Variants in ERMP1 observed in about 807,000 individuals in gnomAD.
ERMP1 encodes Felix-ina.
ERMP1 carries 86 observed loss-of-function variants against 92.0 expected under a neutral mutation model. The observed-to-expected ratio is 0.93, with a 90% CI of 0.79 to 1.12. ERMP1 has a LOEUF of 1.12. Among genes scored for constraint, ERMP1 ranks in the 50% most tolerant of loss-of-function variants. ERMP1 has a pLI of 0.00. For synonymous variants in ERMP1, 530 were observed against 412.8 expected (o/e 1.28, Z -3.44); for missense variants, 1,342 against 1,116.3 (o/e 1.20, Z -2.88).
upstream of ERMP1, among the ~76,000 whole-genome samples, chr9:5,833,946 T>A (rs1259113731): frequency 6.6e-6 from 1 of 152,212 alleles, no homozygotes; most frequent in East Asian, 1.9e-4. Context: ...CCCATGAGCC[T>A]CTCTGCTCCA....
At chr9:5,794,220 A>T (rs575050686) in intron 13 of ERMP1, among the ~76,000 whole-genome samples, 3 of 152,270 alleles carry the variant, frequency 2.0e-5, no homozygotes, top group African/African-American at 7.2e-5. Context: ...CTCAAGAAAA[A>T]ATTTTTAAAT....
chr9:5,833,440 G>T (rs1467516927), upstream of ERMP1, among the ~76,000 whole-genome samples: 1 of 152,172 alleles, frequency 6.6e-6, no homozygotes, highest in African/African-American at 2.4e-5. Context: ...AGAACATCAG[G>T]CTCCAAAAAA....
chr9:5,790,068 C>T (rs1231852933), intron 13 of ERMP1, among the ~76,000 whole-genome samples: 5 of 151,060 alleles, frequency 3.3e-5, no homozygotes, highest in East Asian at 1.9e-4. Context: ...ACAAATGTTA[C>T]ATGTTGTAAT....
chr9:5,834,703 ATG>A (rs766269385), upstream of ERMP1, among the ~76,000 whole-genome samples: 2,205 of 122,950 alleles, frequency 0.018, 44 homozygotes, highest in African/African-American at 0.051. Context: ...GTATGTATAT[ATG>A]TGTGTGTGTG....
chr9:5,865,437 G>GTTTGA (rs1830625433), intron 5 of ERMP1, among the ~76,000 whole-genome samples: 1 of 151,878 alleles, frequency 6.6e-6, no homozygotes. Context: ...GAGCCCGGGA[G>GTTTGA]GCGGAGCTTG....
chr9:5,797,921 T>C lies in ERMP1; in HGVS notation c.2282A>G (p.Tyr761Cys). The C allele has an allele frequency of 6.2e-7, 1 of 1,608,382 alleles. No individual in the cohort carries two copies. Among genetic ancestry groups the C allele is most frequent in the Non-Finnish European group, 8.5e-7 (1 of 1,175,626 alleles). Residue 761 changes from tyrosine to cysteine, a missense_variant, in exon 13 of 15, where the codon TAT becomes TGT. By Grantham distance (194) the Tyr-to-Cys change is radical. Transcript: ENST00000339450. ...TGGAGAAACTTCTGGGGCAGGAAGA[T>C]ACCAGTTTTTCCTATTTAGAAAGGA... The part of the protein sequence containing the change: ...PVHFLIRKNW[Y>C]LPAPEVSPRN...
chr9:5,850,667 C>A (rs961047461), intron 6 of ERMP1, among the ~76,000 whole-genome samples: 4 of 152,102 alleles, frequency 2.6e-5, no homozygotes, highest in Non-Finnish European at 5.9e-5. Context: ...AACAAAAAAT[C>A]CTGGGCCCAA....
At chr9:5,824,121 G>A (rs148549012) in intron 3 of ERMP1, 120 bp from the exon 4 acceptor site, 284 of 706,692 alleles carry the variant, frequency 4.0e-4, no homozygotes, top group African/African-American at 3.3e-3. Flanking sequence ...CAAAATAATC[G>A]CTCTTCAAAG....
At chr9:5,851,324 A>G (rs1830304988) in intron 6 of ERMP1, among the ~76,000 whole-genome samples, 1 of 152,108 alleles carries the variant, frequency 6.6e-6, no homozygotes, top group Non-Finnish European at 1.5e-5. Context: ...GTTTCTGTTT[A>G]CCTATTTTTT....
chr9:5,795,528 C>G (rs141989494), intron 13 of ERMP1, among the ~76,000 whole-genome samples: 316 of 152,250 alleles, frequency 2.1e-3, no homozygotes, highest in African/African-American at 7.1e-3. Context: ...GCCTGTAATC[C>G]CAGCACTTTG....
At chr9:5,789,418 G>A (rs1563744454) in intron 13 of ERMP1, among the ~76,000 whole-genome samples, 1 of 152,194 alleles carries the variant, frequency 6.6e-6, no homozygotes, top group South Asian at 2.1e-4. Context: ...CCACCAACTT[G>A]TCCTTCAACT....
chr9:5,820,196 G>T (rs148497699), intron 4 of ERMP1, among the ~76,000 whole-genome samples: 1 of 152,278 alleles, frequency 6.6e-6, no homozygotes, highest in East Asian at 1.9e-4. Context: ...CTACATGGCA[G>T]GCTGAGGCAA....
chr9:5,806,292 G>A (rs986208698), intron 8 of ERMP1, among the ~76,000 whole-genome samples: 1 of 152,144 alleles, frequency 6.6e-6, no homozygotes, highest in African/African-American at 2.4e-5. Flanking sequence ...AGTTGGTCTT[G>A]TACTGCACCT....
chr9:5,829,174 C>G (rs1170802917), intron 2 of ERMP1, among the ~76,000 whole-genome samples: 8 of 146,232 alleles, frequency 5.5e-5, no homozygotes, highest in Non-Finnish European at 1.0e-4. Context: ...AAGATTGTGC[C>G]ACTGCATGCC....
At chr9:5,790,715 CAT>C (rs1327964609) in intron 13 of ERMP1, among the ~76,000 whole-genome samples, 1 of 152,116 alleles carries the variant, frequency 6.6e-6, no homozygotes, top group African/African-American at 2.4e-5. Flanking sequence ...ACAATGAAGA[CAT>C]AAAATTGTGA....
chr9:5,832,964 C>T lies in ERMP1; in HGVS notation c.64G>A (p.Gly22Arg). 1.3e-6 allele frequency: 2 copies of T among 1,566,260 alleles called. No homozygotes were observed. Among genetic ancestry groups the T allele is most frequent in the East Asian group, 2.5e-5 (1 of 40,524 alleles). ...TCCGGCGGTGGCGCGGCCGCCGCTC[C>T]CTCTCGACGCTCTACTCCGACGCGG... ...RHRVGVERRE[G>R]AAAAPPPERE... The change falls in exon 1 of 15, where the codon GGA becomes AGA. Residue 22 changes from glycine to arginine, a missense_variant. Transcript: ENST00000339450.
upstream of ERMP1, among the ~76,000 whole-genome samples, chr9:5,834,105 G>A (rs1030116415): frequency 3.9e-5 from 6 of 152,104 alleles, no homozygotes; most frequent in East Asian, 1.9e-4. Context: ...CACCTCTCAG[G>A]CTCCTCTGAC....
At chr9:5,858,244 AATG>A (rs113591598) in intron 6 of ERMP1, among the ~76,000 whole-genome samples, 2,828 of 152,246 alleles carry the variant, frequency 0.019, 84 homozygotes, top group East Asian at 0.13. Context: ...GGGAAGTAAA[AATG>A]ATGAGAGATG....
In ERMP1 at chr9:5,809,728, A is replaced by C. The variant is rs751617; in HGVS notation, c.1548+283T>G. Among the ~76,000 whole-genome samples, 6 of 152,348 alleles carry C rather than the reference A, an allele frequency of 3.9e-5. No homozygotes were observed. In the South Asian group the frequency reaches 1.2e-3, roughly 32 times the overall value. ...TGGGTGAGCCCAGGACATATTTACA[A>C]ACACTGCAGCAAATTCAGTAGAAGG... On this transcript the variant is annotated intron_variant, in intron 8 of 14. Transcript: ENST00000339450.
Sources: allele counts gnomAD v4.1 joint callset (sites outside exome capture counted in the v4.1 genomes callset), GRCh38; gene constraint gnomAD v4.1.1; transcripts MANE v1.5; gene names NCBI Gene and HGNC (gene_info 2026-07-23, HGNC 2026-07-21).